PDE7A: variants seen among roughly 807,000 people sequenced by gnomAD.
The protein encoded by PDE7A is phosphodiesterase 7A.
PDE7A carries 39 observed loss-of-function variants against 64.3 expected under a neutral mutation model. That is an observed-to-expected ratio of 0.61 (90% CI 0.47 to 0.79). The LOEUF (loss-of-function observed/expected upper bound fraction) is 0.79. Ranked by LOEUF, PDE7A falls within the 30% of genes least tolerant of loss-of-function variation. The pLI is 0.00. For synonymous variants in PDE7A, 203 were observed against 206.8 expected, an observed-to-expected ratio of 0.98 and a Z score of 0.16; for missense variants, 470 against 582.8, an observed-to-expected ratio of 0.81 and a Z score of 1.99.
At chr8:65,809,009 C>A (rs775376706) in intron 1 of PDE7A, among the ~76,000 whole-genome samples, 3 of 152,108 alleles carry the variant, frequency 2.0e-5, no homozygotes, top group Non-Finnish European at 2.9e-5. Context: ...AACCTCTACT[C>A]CTAAAGAGGA....
At chr8:65,832,482 C>G (rs925856403) in intron 1 of PDE7A, among the ~76,000 whole-genome samples, 3 of 152,144 alleles carry the variant, frequency 2.0e-5, no homozygotes, top group African/African-American at 7.2e-5. Context: ...TTTTTAAAAT[C>G]TTACTAGCAT....
intron 3 of PDE7A, among the ~76,000 whole-genome samples, chr8:65,774,595 G>A (rs1412309790): frequency 6.6e-6 from 1 of 151,254 alleles, no homozygotes; most frequent in East Asian, 1.9e-4. Flanking sequence ...ATTTACCACA[G>A]AAATTAAGTA....
intron 1 of PDE7A, among the ~76,000 whole-genome samples, chr8:65,807,037 T>C (rs1041506096): frequency 6.6e-5 from 10 of 152,238 alleles, no homozygotes; most frequent in Non-Finnish European, 1.5e-4. Flanking sequence ...TGCAATTCCA[T>C]ATATTTTTTC....
At chr8:65,734,462 G>C (rs184853117) in intron 7 of PDE7A, among the ~76,000 whole-genome samples, 15 of 152,166 alleles carry the variant, frequency 9.9e-5, no homozygotes, top group Non-Finnish European at 1.6e-4. Context: ...CCTCCTCTCT[G>C]TAGCTCCTCA....
intron 1 of PDE7A, among the ~76,000 whole-genome samples, chr8:65,783,859 A>G (rs1312080049): frequency 1.3e-5 from 2 of 152,336 alleles, no homozygotes; most frequent in East Asian, 3.9e-4. Flanking sequence ...AAATAAGGAT[A>G]GATTTAAAAA....
At chr8:65,841,329 A>G (rs1202292809) in intron 1 of PDE7A, 42 bp downstream of exon 1, 2 of 1,474,150 alleles carry the variant, frequency 1.4e-6, no homozygotes, top group Non-Finnish European at 9.0e-7. Context: ...AGGGAAACAA[A>G]AGAGAGAAGC....
intron 3 of PDE7A, among the ~76,000 whole-genome samples, chr8:65,760,430 A>G (rs1270617548): frequency 1.3e-5 from 2 of 152,200 alleles, no homozygotes; most frequent in African/African-American, 4.8e-5. Context: ...AAATTTTTGT[A>G]CACAACCTAA....
intron 1 of PDE7A, among the ~76,000 whole-genome samples, chr8:65,798,204 A>AT (rs377351893): frequency 0.12 from 4,702 of 37,946 alleles, 106 homozygotes; most frequent in Middle Eastern, 0.22. Context: ...ATATATATAT[A>AT]TATTTTTTTT....
At chr8:65,821,279 G>A (rs1810535513) in intron 1 of PDE7A, among the ~76,000 whole-genome samples, 1 of 151,856 alleles carries the variant, frequency 6.6e-6, no homozygotes, top group Non-Finnish European at 1.5e-5. Flanking sequence ...GCTTTATGAA[G>A]CTTCCATTAA....
chr8:65,724,941 A>G lies in PDE7A; in HGVS notation c.921-20T>C. ...TGTTGCCTGGAAATAGAGAAATATA[A>G]AGAGAAAATATAAGACTTTCAATTA... On this transcript the variant is annotated intron_variant, in intron 9 of 12. Transcript: ENST00000401827. The G allele has an allele frequency of 8.4e-6, 13 of 1,540,648 alleles. No homozygotes were observed. Among genetic ancestry groups the G allele is most frequent in the Non-Finnish European group, 1.2e-5 (13 of 1,130,122 alleles).
rs1563465584 is a variant in PDE7A at position 65,717,516 on chromosome 8, GCTT to G, written c.*1771_*1773del. The G allele has an allele frequency of 6.6e-6, 1 of 152,226 alleles. No individual in the cohort carries two copies. Among genetic ancestry groups the G allele is most frequent in the African/African-American group, 2.4e-5 (1 of 41,452 alleles). 9.4% of individuals were successfully genotyped at this position (152,226 alleles called of 1,614,324 possible). A position where few individuals can be genotyped will look rare whatever the true frequency, so the allele number is the denominator to read the frequency against. ...TCAGGACTCCAACAGCCCTAACTGG[GCTT>G]CTGCTTACTCACTTGCAAGGTGAGT... On this transcript the variant is annotated 3_prime_UTR_variant, in exon 13 of 13. Transcript: ENST00000401827.
chr8:65,768,057 G>C (rs1286251447), intron 3 of PDE7A, among the ~76,000 whole-genome samples: 1 of 152,054 alleles, frequency 6.6e-6, no homozygotes, highest in East Asian at 1.9e-4. Context: ...CTGAATTAGA[G>C]GACACCCAGT....
rs1206916601 is a variant in PDE7A at position 65,718,606 on chromosome 8, T to A, written c.*684A>T. On this transcript the variant is annotated 3_prime_UTR_variant, in exon 13 of 13. Coordinates refer to ENST00000401827, the MANE Select transcript of PDE7A (RefSeq NM_001242318.3). ...ATTGCATTGCCAAACGGCACTGGAG[T>A]GAAAGCTTGGCGGTACTCTACGATA... is the stretch of plus-strand genomic sequence containing the variant. The A allele has an allele frequency of 6.6e-6, 1 of 152,180 alleles. No individual in the cohort carries two copies. The highest frequency in any genetic ancestry group is 1.5e-5 in the Non-Finnish European group (1 of 68,112). The allele number at this position is 152,180 out of a possible 1,614,324, so 9.4% of individuals were successfully genotyped here.
At chr8:65,762,314 G>C (rs1039870167) in intron 3 of PDE7A, among the ~76,000 whole-genome samples, 19 of 152,112 alleles carry the variant, frequency 1.2e-4, no homozygotes, top group Middle Eastern at 3.4e-3. Flanking sequence ...ACATCTACGG[G>C]ACACATTTTC....
At chr8:65,825,241 C>G (rs1367810692) in intron 1 of PDE7A, among the ~76,000 whole-genome samples, 1 of 152,026 alleles carries the variant, frequency 6.6e-6, no homozygotes, top group Non-Finnish European at 1.5e-5. Flanking sequence ...TTATAACAAG[C>G]ATACATTAAC....
At chr8:65,780,787 CA>C (rs1405186812) in intron 2 of PDE7A, 1 of 152,288 alleles carries the variant, frequency 6.6e-6, no homozygotes, top group Admixed American at 6.5e-5. Flanking sequence ...TTTAAATCTT[CA>C]GCCTCTATCC....
intron 1 of PDE7A, among the ~76,000 whole-genome samples, chr8:65,806,888 C>G (rs146740782): frequency 6.6e-6 from 1 of 152,354 alleles, no homozygotes; most frequent in African/African-American, 2.4e-5. Flanking sequence ...CAATTCTATT[C>G]CATTGATCTA....
At chr8:65,796,154 G>A (rs1013731183) in intron 1 of PDE7A, among the ~76,000 whole-genome samples, 6 of 151,000 alleles carry the variant, frequency 4.0e-5, no homozygotes, top group South Asian at 2.1e-4. Context: ...ACATGAATCT[G>A]AACCTGTGAG....
intron 1 of PDE7A, among the ~76,000 whole-genome samples, chr8:65,794,100 C>T (rs1392622791): frequency 6.6e-6 from 1 of 152,046 alleles, no homozygotes; most frequent in African/African-American, 2.4e-5. Flanking sequence ...CAAACTTGAA[C>T]CAAATCATGA....
Sources: allele counts gnomAD v4.1 joint callset (sites outside exome capture counted in the v4.1 genomes callset), GRCh38; gene constraint gnomAD v4.1.1; transcripts MANE v1.5; gene names NCBI Gene and HGNC (gene_info 2026-07-23, HGNC 2026-07-21).